ULK4: variants seen among roughly 807,000 people sequenced by gnomAD.
The protein encoded by ULK4 is inactive serine/threonine-protein kinase ULK4.
In ULK4, 133 loss-of-function variants were observed where a neutral mutation model predicts 160.6. The observed-to-expected ratio is 0.83, with a 90% CI of 0.72 to 0.96. The LOEUF (loss-of-function observed/expected upper bound fraction) is 0.96, where lower values mean the gene tolerates loss of function less well. ULK4 is among the 40% of genes least tolerant of loss of function. ULK4 has a pLI of 0.00. For missense variants in ULK4, 1,580 were observed against 1,499.5 expected (o/e 1.05, Z -0.89); for synonymous variants, 534 against 539.8 (o/e 0.99, Z 0.15).
chr3:41,840,493 G>A (rs989728233), intron 17 of ULK4, among the ~76,000 whole-genome samples: 6 of 152,278 alleles, frequency 3.9e-5, no homozygotes, highest in African/African-American at 7.2e-5. Flanking sequence ...CTCCTGCCTT[G>A]GCCTGCCGAG....
intron 27 of ULK4, among the ~76,000 whole-genome samples, chr3:41,694,270 G>A (rs1255841862): frequency 1.3e-5 from 2 of 152,222 alleles, no homozygotes; most frequent in Admixed American, 1.3e-4. Context: ...GCACGTGTAT[G>A]TAAGTACGTA....
chr3:41,560,706 T>C (rs2700459), intron 32 of ULK4, among the ~76,000 whole-genome samples: 65,720 of 152,058 alleles, frequency 0.43, 15,334 homozygotes, highest in Middle Eastern at 0.55. Flanking sequence ...TTTTTGCACA[T>C]TGATTTTGTA....
chr3:41,456,561 T>C (rs1236927797), intron 33 of ULK4, among the ~76,000 whole-genome samples: 2 of 152,250 alleles, frequency 1.3e-5, no homozygotes, highest in Non-Finnish European at 2.9e-5. Flanking sequence ...GAGTGGTTTT[T>C]ACATTGTGTG....
chr3:41,836,912 G>A (rs1191900943), intron 17 of ULK4, among the ~76,000 whole-genome samples: 1 of 151,984 alleles, frequency 6.6e-6, no homozygotes, highest in Non-Finnish European at 1.5e-5. Context: ...GAACAGTTTC[G>A]GAATGACATA....
intron 32 of ULK4, among the ~76,000 whole-genome samples, chr3:41,522,094 T>C (rs138455958): frequency 6.6e-6 from 1 of 152,156 alleles, no homozygotes; most frequent in East Asian, 1.9e-4. Context: ...ATGTTTTAAA[T>C]CTAATATACT....
At chr3:41,602,337 AGGAGGAAG>A (rs2032143315) in intron 31 of ULK4, among the ~76,000 whole-genome samples, 1 of 147,552 alleles carries the variant, frequency 6.8e-6, no homozygotes, top group South Asian at 2.2e-4. Flanking sequence ...GGGAAAGGAA[AGGAGGAAG>A]GGAAAGGAAA....
intron 29 of ULK4, among the ~76,000 whole-genome samples, chr3:41,665,545 GA>G (rs1296699109): frequency 6.6e-6 from 1 of 152,042 alleles, no homozygotes; most frequent in African/African-American, 2.4e-5. Context: ...TCACATTTTA[GA>G]AAATTTGCTT....
chr3:41,395,153 C>T (rs1022994118), intron 35 of ULK4, among the ~76,000 whole-genome samples: 3 of 140,626 alleles, frequency 2.1e-5, no homozygotes, highest in Non-Finnish European at 4.5e-5. Context: ...AGTAATACAA[C>T]ATGAGCCTGG....
intron 22 of ULK4, among the ~76,000 whole-genome samples, chr3:41,732,686 T>C (rs898254733): frequency 7.9e-5 from 12 of 152,180 alleles, no homozygotes; most frequent in East Asian, 1.9e-4. Context: ...ACTGCAGCAC[T>C]GTTCACAATA....
chr3:41,306,256 C>A, intron 35 of ULK4, among the ~76,000 whole-genome samples: 1 of 115,556 alleles, frequency 8.7e-6, no homozygotes, highest in South Asian at 2.8e-4. Flanking sequence ...GCCGCCCCGT[C>A]CGGGAGGTGA....
At chr3:41,733,701 G>T (rs1055076023) in intron 22 of ULK4, among the ~76,000 whole-genome samples, 1 of 141,110 alleles carries the variant, frequency 7.1e-6, no homozygotes, top group African/African-American at 2.7e-5. Context: ...AATCAAGATT[G>T]CCTTGAATTC....
intron 30 of ULK4, among the ~76,000 whole-genome samples, chr3:41,631,702 A>G (rs2033750225): frequency 6.6e-6 from 1 of 152,116 alleles, no homozygotes; most frequent in South Asian, 2.1e-4. Flanking sequence ...GTTGAACAAA[A>G]TAAGGCCATG....
At chr3:41,296,554 G>A (rs995887460) in intron 35 of ULK4, among the ~76,000 whole-genome samples, 7 of 152,178 alleles carry the variant, frequency 4.6e-5, no homozygotes, top group African/African-American at 7.2e-5. Context: ...TCTGTAGGGA[G>A]GCTGCCATGG....
At chr3:41,590,320 A>G (rs1365283492) in intron 31 of ULK4, among the ~76,000 whole-genome samples, 1 of 151,650 alleles carries the variant, frequency 6.6e-6, no homozygotes, top group Non-Finnish European at 1.5e-5. Flanking sequence ...CAAGTTTTAA[A>G]AATAAAAAAG....
intron 30 of ULK4, among the ~76,000 whole-genome samples, chr3:41,646,321 C>T (rs147942348): frequency 0.043 from 6,584 of 152,208 alleles, 305 homozygotes; most frequent in African/African-American, 0.11. Flanking sequence ...GATTTTGCAG[C>T]GACTGGTACT....
intron 35 of ULK4, among the ~76,000 whole-genome samples, chr3:41,368,538 T>G (rs1008343970): frequency 6.6e-6 from 1 of 152,208 alleles, no homozygotes; most frequent in African/African-American, 2.4e-5. Flanking sequence ...CCTCTCTCTA[T>G]AGCCTCCAGC....
At chr3:41,927,010 T>C (rs1384364364) in intron 5 of ULK4, among the ~76,000 whole-genome samples, 1 of 152,030 alleles carries the variant, frequency 6.6e-6, no homozygotes, top group Non-Finnish European at 1.5e-5. Context: ...ACCACAAATA[T>C]ACTCCTCGAG....
At chr3:41,617,843 T>C (rs2033051556) in intron 30 of ULK4, among the ~76,000 whole-genome samples, 1 of 152,174 alleles carries the variant, frequency 6.6e-6, no homozygotes, top group African/African-American at 2.4e-5. Context: ...AGCAGCATGT[T>C]CTAACCCAAT....
At chr3:41,649,293 G>A (rs942265743) in intron 30 of ULK4, among the ~76,000 whole-genome samples, 2 of 152,172 alleles carry the variant, frequency 1.3e-5, no homozygotes, top group African/African-American at 2.4e-5. Flanking sequence ...GGGAGGTGTG[G>A]CCAAGGATGC....
Sources: gnomAD v4.1 joint callset for allele counts (sites outside exome capture counted in the v4.1 genomes callset) on GRCh38, gnomAD v4.1.1 for gene constraint, MANE v1.5 for transcripts, NCBI Gene and HGNC (gene_info 2026-07-23, HGNC 2026-07-21) for gene names.